ADGRL2: variants seen among roughly 807,000 people sequenced by gnomAD.
ADGRL2 encodes calcium-independent alpha-latrotoxin receptor 2.
In ADGRL2, 44 loss-of-function variants were observed where a neutral mutation model predicts 157.4. The observed-to-expected ratio is 0.28, with a 90% CI of 0.22 to 0.36. ADGRL2 has a LOEUF of 0.36. Among genes scored for constraint, ADGRL2 ranks in the 10% least tolerant of loss-of-function variants. The probability of loss-of-function intolerance (pLI) is 1.00; values close to 1 mark genes in which losing one functional copy is unlikely to be tolerated. For missense variants in ADGRL2, 1,510 were observed against 1,768.9 expected (o/e 0.85, Z 2.63); for synonymous variants, 585 against 624.7 (o/e 0.94, Z 0.95).
At chr1:81,466,443 C>G (rs959934018) in intron 2 of ADGRL2, among the ~76,000 whole-genome samples, 1 of 152,154 alleles carries the variant, frequency 6.6e-6, no homozygotes, top group African/African-American at 2.4e-5. Context: ...CAGCTTGACC[C>G]TGCTCCAGTG....
At chr1:81,455,913 T>C (rs1313372942) in intron 2 of ADGRL2, among the ~76,000 whole-genome samples, 1 of 152,218 alleles carries the variant, frequency 6.6e-6, no homozygotes, top group Non-Finnish European at 1.5e-5. Context: ...TTTAGATTCT[T>C]GAATCTTGAG....
intron 3 of ADGRL2, among the ~76,000 whole-genome samples, chr1:81,614,662 C>T (rs1029458582): frequency 2.0e-5 from 3 of 152,048 alleles, no homozygotes; most frequent in African/African-American, 4.8e-5. Context: ...AGCCAGGGCT[C>T]ATGGGCGTAT....
At chr1:81,316,258 T>C (rs2100585205) in intron 1 of ADGRL2, among the ~76,000 whole-genome samples, 1 of 152,268 alleles carries the variant, frequency 6.6e-6, no homozygotes, top group East Asian at 1.9e-4. Context: ...TTTAAGCAGA[T>C]TATAATTAGT....
At chr1:81,817,791 A>G (rs12141748) in intron 1 of ADGRL2, among the ~76,000 whole-genome samples, 11,805 of 151,958 alleles carry the variant, frequency 0.078, 563 homozygotes, top group South Asian at 0.19. Context: ...GAATGATTCA[A>G]TTTTTACCGT....
chr1:81,492,908 T>C (rs937472579), intron 2 of ADGRL2, among the ~76,000 whole-genome samples: 10 of 152,204 alleles, frequency 6.6e-5, no homozygotes, highest in African/African-American at 2.4e-4. Flanking sequence ...TGTTTTAGAA[T>C]AGAAGAGTAT....
chr1:81,524,320 C>A (rs1419344181), intron 2 of ADGRL2, among the ~76,000 whole-genome samples: 1 of 152,094 alleles, frequency 6.6e-6, no homozygotes, highest in Admixed American at 6.5e-5. Context: ...GAGCCGAGAT[C>A]GAGCCACTGC....
At chr1:81,522,118 C>T (rs1035378120) in intron 2 of ADGRL2, among the ~76,000 whole-genome samples, 4 of 152,120 alleles carry the variant, frequency 2.6e-5, no homozygotes, top group South Asian at 4.2e-4. Context: ...GCGCACACCA[C>T]TGTACCCAGC....
chr1:81,950,401 G>T lies in ADGRL2; in HGVS notation c.1423G>T (p.Ala475Ser). ...TCCCCTGCCAGAGAGATTCTGTGAA[G>T]CATTAGACTCCAAGGGGATAAAGTG... ...IFPLPERFCE[A>S]LDSKGIKWPQ... Residue 475 changes from alanine to serine, a missense_variant, in exon 7 of 24, where the codon GCA becomes TCA. Ala to Ser is a moderately conservative substitution (Grantham distance 99, BLOSUM62 1). Coordinates refer to ENST00000686636, the MANE Select transcript of ADGRL2 (RefSeq NM_001366006.2). 1 of 1,613,982 alleles carries T rather than the reference G, an allele frequency of 6.2e-7. No individual in the cohort carries two copies. The highest frequency in any genetic ancestry group is 2.2e-5 in the East Asian group (1 of 44,868).
At chr1:81,617,173 C>T (rs557760075) in intron 3 of ADGRL2, among the ~76,000 whole-genome samples, 1 of 152,342 alleles carries the variant, frequency 6.6e-6, no homozygotes, top group East Asian at 1.9e-4. Flanking sequence ...GCATTGCTGC[C>T]TGAGCTCCAC....
At chr1:81,872,727 A>G (rs965369054) in intron 2 of ADGRL2, among the ~76,000 whole-genome samples, 5 of 152,054 alleles carry the variant, frequency 3.3e-5, no homozygotes, top group Non-Finnish European at 5.9e-5. Flanking sequence ...TTGCCAAGAG[A>G]GGACACTTAG....
intron 2 of ADGRL2, among the ~76,000 whole-genome samples, chr1:81,470,990 C>T (rs2078159901): frequency 6.6e-6 from 1 of 152,142 alleles, no homozygotes; most frequent in African/African-American, 2.4e-5. Flanking sequence ...CTGTGTAACC[C>T]TCACAAATAA....
At chr1:81,798,935 A>G (rs1234383571), upstream of ADGRL2, among the ~76,000 whole-genome samples, 1 of 152,134 alleles carries the variant, frequency 6.6e-6, no homozygotes, top group African/African-American at 2.4e-5. Context: ...TGCCCAGATG[A>G]GTGAAAACCT....
intron 1 of ADGRL2, among the ~76,000 whole-genome samples, chr1:81,423,722 T>A (rs1055043991): frequency 9.9e-5 from 15 of 152,234 alleles, no homozygotes; most frequent in Non-Finnish European, 1.6e-4. Context: ...GTGTTTCATG[T>A]TAAAATGTTA....
intron 1 of ADGRL2, among the ~76,000 whole-genome samples, chr1:81,346,856 G>A (rs1200662847): frequency 6.6e-6 from 1 of 152,080 alleles, no homozygotes; most frequent in Non-Finnish European, 1.5e-5. Flanking sequence ...CCAAGAAGTG[G>A]GGTGCTGTTG....
chr1:81,817,118 T>A (rs2090486610), intron 1 of ADGRL2, among the ~76,000 whole-genome samples: 1 of 152,064 alleles, frequency 6.6e-6, no homozygotes. Flanking sequence ...CTACCTTTTG[T>A]AGTCTCCAGT....
chr1:81,744,826 T>C (rs944332994), intron 1 of ADGRL2, among the ~76,000 whole-genome samples: 1 of 152,210 alleles, frequency 6.6e-6, no homozygotes, highest in Non-Finnish European at 1.5e-5. Context: ...ATTGCCTCTA[T>C]TTCCAGCTCA....
chr1:81,917,166 CTG>C (rs1356638587), intron 3 of ADGRL2, among the ~76,000 whole-genome samples: 1 of 152,020 alleles, frequency 6.6e-6, no homozygotes, highest in African/African-American at 2.4e-5. Context: ...AGATCTTAAA[CTG>C]TCATTTATTA....
intron 1 of ADGRL2, among the ~76,000 whole-genome samples, chr1:81,754,503 C>T (rs1414004877): frequency 7.8e-6 from 1 of 128,658 alleles, no homozygotes; most frequent in Non-Finnish European, 1.6e-5. Flanking sequence ...TTCTTTCCTT[C>T]CTCTTTCTTT....
At chr1:81,377,393 T>C (rs978582238) in intron 1 of ADGRL2, among the ~76,000 whole-genome samples, 4 of 152,194 alleles carry the variant, frequency 2.6e-5, no homozygotes, top group African/African-American at 9.7e-5. Context: ...TGATCATTAT[T>C]ACCCTCCTCA....
Sources: allele counts gnomAD v4.1 joint callset (sites outside exome capture counted in the v4.1 genomes callset), GRCh38; gene constraint gnomAD v4.1.1; transcripts MANE v1.5; gene names NCBI Gene and HGNC (gene_info 2026-07-23, HGNC 2026-07-21).